SKIC3: variants seen among roughly 807,000 people sequenced by gnomAD.
SKIC3 encodes superkiller complex protein 3.
chr5:95,499,856 T>A, the SKIC3 span, among the ~76,000 whole-genome samples: 1 of 152,122 alleles, frequency 6.6e-6, no homozygotes, highest in Non-Finnish European at 1.5e-5. Context: ...TTTTTCCTCT[T>A]TCAACTATAA....
the SKIC3 span, chr5:95,520,648 G>T: frequency 8.0e-7 from 1 of 1,250,818 alleles, no homozygotes; most frequent in South Asian, 1.3e-5. Context: ...TACATAAAAT[G>T]ATCTTCTAAA....
the SKIC3 span, chr5:95,497,365 C>T: frequency 7.2e-7 from 1 of 1,385,700 alleles, no homozygotes; most frequent in Non-Finnish European, 1.0e-6. Context: ...TCATATTTAC[C>T]ATATCACAAG....
chr5:95,528,241 G>A, the SKIC3 span: 8 of 1,498,182 alleles, frequency 5.3e-6, no homozygotes, highest in Admixed American at 1.4e-4. Context: ...ATAAATTGCA[G>A]ATACAATAAG....
the SKIC3 span, among the ~76,000 whole-genome samples, chr5:95,499,028 TA>T: frequency 6.6e-6 from 1 of 152,172 alleles, no homozygotes; most frequent in Non-Finnish European, 1.5e-5. Flanking sequence ...AAGATTAATA[TA>T]AAAGCAAATT....
the SKIC3 span, among the ~76,000 whole-genome samples, chr5:95,507,359 A>G: frequency 2.0e-5 from 3 of 152,298 alleles, no homozygotes; most frequent in East Asian, 1.9e-4. Flanking sequence ...AACTATTTAT[A>G]TATTAGTAGT....
the SKIC3 span, chr5:95,528,275 A>G: frequency 8.6e-7 from 1 of 1,156,514 alleles, no homozygotes; most frequent in Non-Finnish European, 1.3e-6. Context: ...AACAATATAC[A>G]TGAAGAATAA....
chr5:95,552,073 C>T, the SKIC3 span, among the ~76,000 whole-genome samples: 147 of 152,294 alleles, frequency 9.7e-4, 4 homozygotes, highest in East Asian at 0.026. Context: ...CCCTGACTTA[C>T]AAATGGTTGA....
chr5:95,514,143 ATC>A, the SKIC3 span, among the ~76,000 whole-genome samples: 1 of 152,132 alleles, frequency 6.6e-6, no homozygotes, highest in Non-Finnish European at 1.5e-5. Context: ...ACAACAAAAG[ATC>A]TCTAAACCCT....
the SKIC3 span, among the ~76,000 whole-genome samples, chr5:95,505,815 CAA>C: frequency 5.3e-5 from 6 of 113,376 alleles, no homozygotes; most frequent in Non-Finnish European, 3.7e-5. Flanking sequence ...TCTGTCCCCC[CAA>C]AAAAAAAAAA....
chr5:95,542,614 C>T, the SKIC3 span, among the ~76,000 whole-genome samples: 1 of 152,182 alleles, frequency 6.6e-6, no homozygotes. Flanking sequence ...TACCAGATAT[C>T]CTCAAGTTCT....
chr5:95,484,073 C>A, the SKIC3 span, among the ~76,000 whole-genome samples: 1 of 152,160 alleles, frequency 6.6e-6, no homozygotes, highest in East Asian at 1.9e-4. Flanking sequence ...TAGAGTCAGA[C>A]AAATGTGAGT....
chr5:95,501,691 G>GA, the SKIC3 span, among the ~76,000 whole-genome samples: 1 of 151,074 alleles, frequency 6.6e-6, no homozygotes, highest in African/African-American at 2.4e-5. Context: ...GGGAAAAAAA[G>GA]AAAAAAAAGA....
chr5:95,478,332 T>A, the SKIC3 span: 12 of 1,613,910 alleles, frequency 7.4e-6, no homozygotes, highest in Non-Finnish European at 9.3e-6. Flanking sequence ...TCAACAGACT[T>A]GAGAGCTTCC....
chr5:95,522,053 C>A, the SKIC3 span: 1 of 1,613,314 alleles, frequency 6.2e-7, no homozygotes, highest in Non-Finnish European at 8.5e-7. Flanking sequence ...AAATAAATTA[C>A]CTTTTAAAGC....
chr5:95,517,633 T>C, the SKIC3 span, among the ~76,000 whole-genome samples: 78 of 152,254 alleles, frequency 5.1e-4, no homozygotes, highest in African/African-American at 1.8e-3. Flanking sequence ...TTCCTTTTAA[T>C]ATTAAAATGT....
At chr5:95,538,217 G>T in the SKIC3 span, among the ~76,000 whole-genome samples, 5 of 151,814 alleles carry the variant, frequency 3.3e-5, no homozygotes, top group African/African-American at 1.2e-4. Context: ...TTGATATTCT[G>T]GTAACCTACA....
the SKIC3 span, chr5:95,513,677 G>A: frequency 6.3e-7 from 1 of 1,577,198 alleles, no homozygotes; most frequent in East Asian, 2.2e-5. Flanking sequence ...CTCTTAATGT[G>A]TTTAAAAGAC....
At chr5:95,550,879 A>C in the SKIC3 span, 1 of 152,138 alleles carries the variant, frequency 6.6e-6, no homozygotes, top group East Asian at 1.9e-4. Context: ...CAGATGATAA[A>C]AGGAAACTTC....
At chr5:95,528,298 T>C in the SKIC3 span, 5 of 969,340 alleles carry the variant, frequency 5.2e-6, no homozygotes, top group Non-Finnish European at 7.8e-6. Flanking sequence ...CAAAGCTAAA[T>C]ATAAATTCTT....
Sources: allele counts gnomAD v4.1 joint callset (sites outside exome capture counted in the v4.1 genomes callset), GRCh38; gene constraint gnomAD v4.1.1; transcripts MANE v1.5; gene names NCBI Gene and HGNC (gene_info 2026-07-23, HGNC 2026-07-21).